The following RNF212 variants were observed in gnomAD, a reference collection of about 807,000 sequenced individuals.
The protein encoded by RNF212 is probable E3 SUMO-protein ligase RNF212.
In RNF212, 33 loss-of-function variants were observed where a neutral mutation model predicts 34.7. That is an observed-to-expected ratio of 0.95 (90% CI 0.72 to 1.27). The LOEUF (loss-of-function observed/expected upper bound fraction) is 1.27, where lower values mean the gene tolerates loss of function less well. RNF212 is among the 50% of genes most tolerant of loss of function. The pLI, the probability that RNF212 is intolerant of heterozygous loss-of-function variation, is 0.00. For synonymous variants in RNF212, 140 were observed against 136.1 expected (o/e 1.03, Z -0.20); for missense variants, 377 against 362.2 (o/e 1.04, Z -0.33).
intron 3 of RNF212, chr4:1,093,383 G>A (rs59985183): frequency 7.4e-7 from 1 of 1,349,138 alleles, no homozygotes; most frequent in Non-Finnish European, 9.7e-7. Flanking sequence ...TGTAACAAAT[G>A]CCAATATTTA....
At chr4:1,093,980 T>C in intron 3 of RNF212, 1 of 1,536,010 alleles carries the variant, frequency 6.5e-7, no homozygotes, top group Non-Finnish European at 8.7e-7. Flanking sequence ...TGGGCATAAC[T>C]TGAGACGGCA....
intron 8 of RNF212, among the ~76,000 whole-genome samples, chr4:1,076,893 G>C (rs1007521411): frequency 1.3e-5 from 2 of 152,164 alleles, no homozygotes; most frequent in Non-Finnish European, 2.9e-5. Context: ...ACAGAGTTGA[G>C]TAGCTGTGGA....
chr4:1,097,634 C>G (rs1290864102), intron 2 of RNF212, among the ~76,000 whole-genome samples: 1 of 151,944 alleles, frequency 6.6e-6, no homozygotes, highest in Non-Finnish European at 1.5e-5. Flanking sequence ...TCCCAACTTC[C>G]TTCACAAGTG....
chr4:1,066,849 A>G (rs1718131564), downstream of RNF212, among the ~76,000 whole-genome samples: 1 of 151,736 alleles, frequency 6.6e-6, no homozygotes, highest in Non-Finnish European at 1.5e-5. Flanking sequence ...GTGCTTTGGT[A>G]TCATATCCAG....
intron 5 of RNF212, among the ~76,000 whole-genome samples, chr4:1,082,572 C>T (rs753971612): frequency 3.9e-5 from 6 of 152,234 alleles, no homozygotes; most frequent in Non-Finnish European, 8.8e-5. Flanking sequence ...CTGGGGCCTC[C>T]GCTCTGAGTC....
intron 4 of RNF212, among the ~76,000 whole-genome samples, chr4:1,088,373 A>G (rs1020375018): frequency 6.6e-5 from 10 of 152,244 alleles, no homozygotes; most frequent in Non-Finnish European, 1.3e-4. Flanking sequence ...ATCTGGCAGA[A>G]GAAATTTCTA....
chr4:1,058,982 T>C (rs559186579), intron 3 of RNF212, among the ~76,000 whole-genome samples: 80 of 152,346 alleles, frequency 5.3e-4, no homozygotes, highest in Non-Finnish European at 8.8e-4. Context: ...CCGTGTTTGC[T>C]TTCTCCAGGC....
chr4:1,100,374 A>G (rs1389222799), intron 2 of RNF212: 1 of 151,680 alleles, frequency 6.6e-6, no homozygotes, highest in African/African-American at 2.5e-5. Context: ...TGCACCTGTT[A>G]CATTTCCACA....
At chr4:1,070,694 C>T (rs1718416856), downstream of RNF212, among the ~76,000 whole-genome samples, 2 of 152,152 alleles carry the variant, frequency 1.3e-5, no homozygotes, top group Admixed American at 1.3e-4. Flanking sequence ...GCTGTGTCAA[C>T]GTGGGTGCCT....
In RNF212 at chr4:1,113,363, G is replaced by A. The variant is rs965770064; in HGVS notation, c.102C>T (p.Leu34=). The A allele has an allele frequency of 6.6e-7, 1 of 1,510,444 alleles. No homozygotes were observed. Among genetic ancestry groups the A allele is most frequent in the Non-Finnish European group, 8.9e-7 (1 of 1,127,366 alleles). The allele number at this position is 1,510,444 out of a possible 1,614,324, so 93.6% of individuals were successfully genotyped here. A position where few individuals can be genotyped will look rare whatever the true frequency, so the allele number is the denominator to read the frequency against. ...CGTTCGGGAAGCCCTGACCTTTGCC[G>A]AGGCAGGCGTCGCAGTACACGTGCC... ...NCGHVYCDAC[L]GKGKKNECLI... is the part of the protein sequence containing the mutation. Residue 34 remains leucine (L), a synonymous_variant, in exon 1 of 10, where the codon CTC becomes CTT. Coordinates refer to ENST00000433731, the MANE Select transcript of RNF212 (RefSeq NM_001131034.4).
rs538763412 is a variant in RNF212, at chr4:1,072,462, G to A, written c.*412C>T. ...CAGTTTTAACACATGGACTGCTCTG[G>A]TGGAGGATGAGGATGATGGGGGAGC... On this transcript the variant is annotated 3_prime_UTR_variant, in exon 10 of 10. Transcript: ENST00000433731. 2.0e-4 allele frequency: 36 copies of A among 182,540 alleles called. No homozygotes were observed. The highest frequency in any genetic ancestry group is 3.2e-4 in the Non-Finnish European group (28 of 87,982). The allele number at this position is 182,540 out of a possible 1,614,324, so 11.3% of individuals were successfully genotyped here.
intron 3 of RNF212, among the ~76,000 whole-genome samples, chr4:1,065,164 G>T (rs1718011725): frequency 6.6e-6 from 1 of 152,220 alleles, no homozygotes; most frequent in Non-Finnish European, 1.5e-5. Flanking sequence ...TTGAAATGCA[G>T]CATCATCTGG....
At chr4:1,075,110 T>C (rs1377927651) in intron 8 of RNF212, among the ~76,000 whole-genome samples, 1 of 152,226 alleles carries the variant, frequency 6.6e-6, no homozygotes, top group Non-Finnish European at 1.5e-5. Flanking sequence ...CAAACCTTTC[T>C]TGTAAATGGG....
chr4:1,057,521 T>G (rs1416631173), intron 4 of RNF212, among the ~76,000 whole-genome samples: 1 of 152,172 alleles, frequency 6.6e-6, no homozygotes, highest in Non-Finnish European at 1.5e-5. Flanking sequence ...CACCTGTTTT[T>G]GTAAATAAAG....
At chr4:1,094,393 C>A (rs1355799571) in intron 3 of RNF212, among the ~76,000 whole-genome samples, 1 of 152,036 alleles carries the variant, frequency 6.6e-6, no homozygotes, top group South Asian at 2.1e-4. Flanking sequence ...CAATGACCTG[C>A]GTCAGAAGCT....
chr4:1,067,202 G>C (rs1363263911), downstream of RNF212, among the ~76,000 whole-genome samples: 1 of 152,116 alleles, frequency 6.6e-6, no homozygotes, highest in Non-Finnish European at 1.5e-5. Context: ...TTCAACATAT[G>C]AATTTTGGGG....
At chr4:1,093,689 C>T (rs1390811774) in intron 3 of RNF212, 2 of 1,536,226 alleles carry the variant, frequency 1.3e-6, no homozygotes, top group South Asian at 2.4e-5. Context: ...AGCGCACGGC[C>T]TGTGGCTCTG....
At chr4:1,066,766 A>G (rs1435299637), downstream of RNF212, among the ~76,000 whole-genome samples, 3 of 152,052 alleles carry the variant, frequency 2.0e-5, no homozygotes, top group African/African-American at 7.2e-5. Flanking sequence ...TACTCTATTG[A>G]TAGTATCTTT....
At chr4:1,074,060 G>A (rs1295343068) in intron 8 of RNF212, among the ~76,000 whole-genome samples, 1 of 152,146 alleles carries the variant, frequency 6.6e-6, no homozygotes, top group East Asian at 1.9e-4. Context: ...GGACAGGTTG[G>A]AGCTAATGCT....
Sources: gnomAD v4.1 joint callset for allele counts (sites outside exome capture counted in the v4.1 genomes callset) on GRCh38, gnomAD v4.1.1 for gene constraint, MANE v1.5 for transcripts, NCBI Gene and HGNC (gene_info 2026-07-23, HGNC 2026-07-21) for gene names.